Variants in ZNF783 observed in about 807,000 individuals in gnomAD.
ZNF783 encodes zinc finger protein 783.
In ZNF783, 25 loss-of-function variants were observed where a neutral mutation model predicts 31.3. The observed-to-expected ratio is 0.80, with a 90% confidence interval of 0.58 to 1.11. The LOEUF is 1.11. ZNF783 is among the 50% of genes most tolerant of loss of function. The pLI is 0.00. For missense variants in ZNF783, 797 were observed against 760.0 expected (o/e 1.05, Z -0.57); for synonymous variants, 369 against 319.1 (o/e 1.16, Z -1.66).
In ZNF783 at chr7:149,262,306, T is replaced by C. The variant is rs1028655395; in HGVS notation, c.-28T>C. 2.9e-6 allele frequency: 4 copies of C among 1,359,968 alleles called. No homozygotes were observed. The Admixed American group carries it at 9.1e-5, about 31-fold the overall frequency. The allele number at this position is 1,359,968 out of a possible 1,614,324, so 84.2% of individuals were successfully genotyped here. ...GGCCCGACAGGCCGGGTCCAGGGAC[T>C]GCAACCCAGCGAGGGACGCGGGCAG... is the stretch of plus-strand genomic sequence containing the variant. On this transcript the variant is annotated 5_prime_UTR_variant, in exon 1 of 6. Transcript: ENST00000434415.
chr7:149,266,201 C>T lies in ZNF783; in HGVS notation c.25-134C>T, dbSNP rs144527686. The T allele has an allele frequency of 3.3e-3, 3,450 of 1,050,118 alleles. 31 individuals carry two copies. The highest frequency in any genetic ancestry group is 0.029 in the Admixed American group (972 of 33,732). The allele number at this position is 1,050,118 out of a possible 1,614,324, so 65.1% of individuals were successfully genotyped here. ...GATACCCTAGCCTCTCCCTCTCCCC[C>T]CCAGTCTGCTGCTAACTCAGGAGCC... On this transcript the variant is annotated intron_variant, in intron 1 of 5. Transcript: ENST00000434415.
At chr7:149,272,602 A>G (rs145420964) in intron 4 of ZNF783, among the ~76,000 whole-genome samples, 2 of 152,002 alleles carry the variant, frequency 1.3e-5, no homozygotes, top group Non-Finnish European at 2.9e-5. Flanking sequence ...TTAATCTCTA[A>G]TTTTTATGGG....
Position 149,267,130 on chromosome 7 carries a change from G to C in ZNF783, c.581G>C (p.Arg194Pro). ...ATCTCCAAACCAGACATCCTCACCC[G>C]GATAGAGAGGGGAGAGGAGCCTTGT... The part of the protein sequence containing the change: ...YAISKPDILT[R>P]IERGEEPCLD... Residue 194 changes from arginine to proline, a missense_variant, in exon 4 of 6, where the codon CGG becomes CCG. Transcript: ENST00000434415. 2 of 1,599,642 alleles carry C rather than the reference G, an allele frequency of 1.3e-6. No homozygotes were observed. Among genetic ancestry groups the C allele is most frequent in the African/African-American group, 1.3e-5 (1 of 74,998 alleles).
rs1797493262 is a variant in ZNF783, at chr7:149,282,185, C to G, written c.1483C>G (p.Gln495Glu). Residue 495 changes from glutamine to glutamate, a missense_variant, in exon 6 of 6, where the codon CAG becomes GAG. Coordinates refer to ENST00000434415, the MANE Select transcript of ZNF783 (RefSeq NM_001195220.2). ...CATCCACACCGGTGAGCGGCCCTAC[C>G]AGTGCCCCCAGTGTGGCCGGACCTT... ...QRIHTGERPY[Q>E]CPQCGRTFNR... The G allele has an allele frequency of 1.2e-6, 2 of 1,600,616 alleles. No homozygotes were observed. The highest frequency in any genetic ancestry group is 1.3e-5 in the African/African-American group (1 of 74,918).
At chr7:149,275,345 C>T (rs559519389) in intron 4 of ZNF783, among the ~76,000 whole-genome samples, 2 of 150,144 alleles carry the variant, frequency 1.3e-5, no homozygotes, top group Non-Finnish European at 3.0e-5. Context: ...CGGAGTTTCG[C>T]TCTGTTGCCT....
At position 149,267,170 on chromosome 7, in the gene ZNF783, C is replaced by T. The variant is rs1321075869; in HGVS notation, c.621C>T (p.Gly207=). Residue 207 remains glycine, a synonymous_variant, in exon 4 of 6, where the codon GGC becomes GGT. Coordinates refer to ENST00000434415, the MANE Select transcript of ZNF783 (RefSeq NM_001195220.2). ...AGGAGCCTTGTCTTGACCGGTGGGG[C>T]CAGGAGAAGGGGAATGAAGTAGAGG... The part of the protein sequence containing the change: ...RGEEPCLDRW[G]QEKGNEVEVG... 1 of 1,599,112 alleles carries T rather than the reference C, an allele frequency of 6.3e-7. No individual in the cohort carries two copies. Among genetic ancestry groups the T allele is most frequent in the East Asian group, 2.2e-5 (1 of 44,864 alleles).
chr7:149,281,975 TTGG>T lies in ZNF783; in HGVS notation c.1277_1279del (p.Val426del), dbSNP rs1222159021. The stretch of plus-strand genomic sequence containing the variant: ...CCGCTCCGTGGCAGGGGGCCGTGCC[TTGG>T]TGGGGCGGCGGCCTGCAGCCAGCAA... On this transcript the variant is annotated inframe_deletion, in exon 6 of 6. Coordinates refer to ENST00000434415, the MANE Select transcript of ZNF783 (RefSeq NM_001195220.2). 1.9e-6 allele frequency: 3 copies of T among 1,573,982 alleles called. No individual in the cohort carries two copies. The East Asian group carries it at 6.8e-5, about 36-fold the overall frequency.
chr7:149,266,985 G>A (rs1275675827), intron 3 of ZNF783, 40 bp downstream of exon 3: 1 of 1,613,920 alleles, frequency 6.2e-7, no homozygotes, highest in South Asian at 1.1e-5. Flanking sequence ...CTGTCCACAG[G>A]TTGTCTGTGG....
chr7:149,269,132 T>C (rs1244071233), intron 4 of ZNF783, among the ~76,000 whole-genome samples: 1 of 152,234 alleles, frequency 6.6e-6, no homozygotes, highest in Non-Finnish European at 1.5e-5. Context: ...TTTTTAATAA[T>C]TGCCATTCTG....
rs1382441501 is a variant in ZNF783, at chr7:149,281,962, A to G, written c.1260A>G (p.Ala420=). 1.9e-6 allele frequency: 3 copies of G among 1,567,930 alleles called. No individual in the cohort carries two copies. Among genetic ancestry groups the G allele is most frequent in the Non-Finnish European group, 2.6e-6 (3 of 1,164,240 alleles). Residue 420 remains alanine (A), a synonymous_variant, in exon 6 of 6, where the codon GCA becomes GCG. Coordinates refer to ENST00000434415, the MANE Select transcript of ZNF783 (RefSeq NM_001195220.2). ...AGCCTGAGGGTCGCCGCTCCGTGGC[A>G]GGGGGCCGTGCCTTGGTGGGGCGGC... ...PEEPEGRRSV[A]GGRALVGRRP...
At chr7:149,272,761 G>T (rs1797237090) in intron 4 of ZNF783, among the ~76,000 whole-genome samples, 1 of 151,908 alleles carries the variant, frequency 6.6e-6, no homozygotes, top group South Asian at 2.1e-4. Context: ...TATACTTTTA[G>T]TTATTATAAA....
intron 1 of ZNF783, among the ~76,000 whole-genome samples, chr7:149,262,604 A>G (rs949164791): frequency 3.3e-5 from 5 of 152,176 alleles, no homozygotes; most frequent in Non-Finnish European, 5.9e-5. Flanking sequence ...GGCCTCAGCC[A>G]GGCCGGGCCC....
At chr7:149,279,266 T>C (rs1339832099) in intron 5 of ZNF783, among the ~76,000 whole-genome samples, 2 of 152,228 alleles carry the variant, frequency 1.3e-5, no homozygotes, top group African/African-American at 2.4e-5. Context: ...GTTGGAGAGA[T>C]GGGACCCTCT....
rs879718553 is a variant in ZNF783, at chr7:149,266,155, A to G, written c.25-180A>G. ...TGGTCCAGCCACTATCTCTTGTATC[A>G]GTTAGGCTGGATTCCTAACTGATAC... On this transcript the variant is annotated intron_variant, in intron 1 of 5. Coordinates refer to ENST00000434415, the MANE Select transcript of ZNF783 (RefSeq NM_001195220.2). 5.9e-5 allele frequency among the ~76,000 whole-genome samples: 9 copies of G among 152,248 alleles called. No individual in the cohort carries two copies. The South Asian group carries it at 1.2e-3, about 21-fold the overall frequency.
Position 149,281,626 on chromosome 7 carries a change from G to T in ZNF783, c.924G>T (p.Arg308Ser). The T allele has an allele frequency of 1.3e-6, 2 of 1,547,816 alleles. No individual in the cohort carries two copies. The highest frequency in any genetic ancestry group is 1.7e-6 in the Non-Finnish European group (2 of 1,158,930). Reference protein sequence around the residue: ...ECRIPRGPRNRPGGPSRHQAQ... With the variant: ...ECRIPRGPRNSPGGPSRHQAQ... ...GAATCCCCCGAGGGCCCAGGAACAG[G>T]CCTGGGGGCCCCAGCCGTCATCAGG... is the stretch of plus-strand genomic sequence containing the variant. The change falls in exon 6 of 6, where the codon AGG becomes AGT. Residue 308 changes from arginine to serine, a missense_variant. By Grantham distance (110) the Arg-to-Ser change is moderately radical. Coordinates refer to ENST00000434415, the MANE Select transcript of ZNF783 (RefSeq NM_001195220.2).
At position 149,266,645 on chromosome 7, in the gene ZNF783, G is replaced by C; in HGVS notation, c.335G>C (p.Arg112Pro). 1 of 1,614,148 alleles carries C rather than the reference G, an allele frequency of 6.2e-7. No homozygotes were observed. The highest frequency in any genetic ancestry group is 8.5e-7 in the Non-Finnish European group (1 of 1,180,026). The change falls in exon 2 of 6, where the codon CGG becomes CCG. Residue 112 changes from arginine (R) to proline (P), a missense_variant. Arg to Pro is a moderately radical substitution (Grantham distance 103). Coordinates refer to ENST00000434415, the MANE Select transcript of ZNF783 (RefSeq NM_001195220.2). ...LLQEYGLLQR[R>P]LENVENLLRN... ...CAGGAGTACGGGCTGCTGCAGAGGCGGCTGGAGAATGTGGAGAACTTGCTG... is the reference window on the plus strand; with the variant it reads ...CAGGAGTACGGGCTGCTGCAGAGGCCGCTGGAGAATGTGGAGAACTTGCTG...
In ZNF783 at chr7:149,281,593, C is replaced by CGA; in HGVS notation, c.893_894dup (p.Cys299SerfsTer63). On this transcript the variant is annotated frameshift_variant, in exon 6 of 6. Transcript: ENST00000434415. LOFTEE classifies it low-confidence loss of function (END_TRUNC). ...TTCTGGGGGTGTCCCGAGGCCAGAC[C>CGA]GAGTGTAGAATCCCCCGAGGGCCCA... The CGA allele has an allele frequency of 6.5e-7, 1 of 1,536,172 alleles. No individual in the cohort carries two copies. The highest frequency in any genetic ancestry group is 1.2e-5 in the South Asian group (1 of 80,964).
intron 4 of ZNF783, among the ~76,000 whole-genome samples, chr7:149,273,306 G>GTT (rs1797250557): frequency 6.6e-6 from 1 of 152,032 alleles, no homozygotes; most frequent in Non-Finnish European, 1.5e-5. Flanking sequence ...TCTGCTTTTA[G>GTT]TTTTTTTGAG....
At chr7:149,274,123 G>A (rs368272920) in intron 4 of ZNF783, among the ~76,000 whole-genome samples, 1 of 152,264 alleles carries the variant, frequency 6.6e-6, no homozygotes, top group East Asian at 1.9e-4. Context: ...GTGCTTTAGG[G>A]TAGTACTCGA....
Sources: allele counts gnomAD v4.1 joint callset (sites outside exome capture counted in the v4.1 genomes callset), GRCh38; gene constraint gnomAD v4.1.1; transcripts MANE v1.5; gene names NCBI Gene and HGNC (gene_info 2026-07-23, HGNC 2026-07-21).